Variants in CCDC93 observed in about 807,000 individuals in gnomAD.
CCDC93 encodes coiled-coil domain-containing protein 93.
A neutral mutation model predicts 108.2 loss-of-function variants in CCDC93; 61 were observed. The observed-to-expected ratio is 0.56, with a 90% CI of 0.46 to 0.70. The LOEUF is 0.70. CCDC93 is among the 30% of genes least tolerant of loss of function. The probability of loss-of-function intolerance (pLI) is 0.00; values close to 1 mark genes in which losing one functional copy is unlikely to be tolerated. For missense variants in CCDC93, 685 were observed against 764.2 expected, an observed-to-expected ratio of 0.90 and a Z score of 1.22; for synonymous variants, 276 against 260.4, an observed-to-expected ratio of 1.06 and a Z score of -0.58.
rs1361405333 is a variant in CCDC93 at position 117,919,311 on chromosome 2, T to A, written c.*1032A>T. On this transcript the variant is annotated 3_prime_UTR_variant, in exon 24 of 24. Coordinates refer to ENST00000376300, the MANE Select transcript of CCDC93 (RefSeq NM_019044.5). ...TGTACTCCTCTGCACTCTCTTGGGT[T>A]TTTAATCATAGTGTATTTTCATTTA... The A allele has an allele frequency of 6.6e-6, 1 of 152,146 alleles. No homozygotes were observed. The highest frequency in any genetic ancestry group is 1.5e-5 in the Non-Finnish European group (1 of 68,030). The allele number at this position is 152,146 out of a possible 1,614,324, so 9.4% of individuals were successfully genotyped here.
chr2:117,949,935 G>A (rs1472857616), intron 13 of CCDC93: 10 of 985,344 alleles, frequency 1.0e-5, no homozygotes, highest in Non-Finnish European at 1.2e-5. Context: ...GTGCAGTGTT[G>A]GGGATCTGCA....
intron 23 of CCDC93, among the ~76,000 whole-genome samples, chr2:117,926,334 G>T: frequency 6.6e-6 from 1 of 152,156 alleles, no homozygotes; most frequent in Non-Finnish European, 1.5e-5. Context: ...CCAGGAGCTG[G>T]TTTTTTGAAA....
At chr2:117,965,679 TTA>T (rs1249373488) in intron 11 of CCDC93, among the ~76,000 whole-genome samples, 1 of 152,156 alleles carries the variant, frequency 6.6e-6, no homozygotes, top group Non-Finnish European at 1.5e-5. Flanking sequence ...ATTCTGTAAT[TTA>T]TGTTTTCACA....
At chr2:117,984,592 T>G (rs1187254548) in intron 7 of CCDC93, among the ~76,000 whole-genome samples, 1 of 152,180 alleles carries the variant, frequency 6.6e-6, no homozygotes, top group Non-Finnish European at 1.5e-5. Context: ...AGGTGGGCAA[T>G]TTACTGAATT....
intron 13 of CCDC93, 65 bp from the exon 14 acceptor site, chr2:117,949,460 CT>C: frequency 8.7e-7 from 1 of 1,146,990 alleles, no homozygotes; most frequent in Non-Finnish European, 1.3e-6. Flanking sequence ...ACTTCACCTT[CT>C]TTTTGTGAGG....
At chr2:117,920,454 G>T (rs1208159604) in intron 23 of CCDC93, 58 bp from the exon 24 acceptor site, 1 of 1,229,006 alleles carries the variant, frequency 8.1e-7, no homozygotes, top group Admixed American at 1.8e-5. Flanking sequence ...CCCATGTGAG[G>T]CCAAGATGGT....
chr2:117,975,500 C>G (rs1258798365), intron 8 of CCDC93, among the ~76,000 whole-genome samples: 2 of 152,238 alleles, frequency 1.3e-5, no homozygotes, highest in African/African-American at 4.8e-5. Flanking sequence ...CATGTCCCAG[C>G]TGCTCACTGA....
intron 23 of CCDC93, among the ~76,000 whole-genome samples, chr2:117,924,728 T>G (rs924283013): frequency 6.6e-6 from 1 of 152,160 alleles, no homozygotes; most frequent in African/African-American, 2.4e-5. Flanking sequence ...CAGGAGAACT[T>G]CCTCAATCTA....
chr2:117,967,078 C>T (rs1279826545), intron 11 of CCDC93, among the ~76,000 whole-genome samples: 3 of 152,150 alleles, frequency 2.0e-5, no homozygotes, highest in East Asian at 1.9e-4. Context: ...CTGCAACCTC[C>T]GCCTCCCAGG....
intron 14 of CCDC93, among the ~76,000 whole-genome samples, 198 bp from the exon 15 acceptor site, chr2:117,948,384 C>T (rs573939553): frequency 6.6e-6 from 1 of 152,256 alleles, no homozygotes; most frequent in Admixed American, 6.5e-5. Flanking sequence ...AACCCAAGAC[C>T]ATCAATGCCG....
chr2:117,949,284 C>T, intron 14 of CCDC93, 38 bp downstream of exon 14: 2 of 1,431,280 alleles, frequency 1.4e-6, no homozygotes, highest in Non-Finnish European at 2.0e-6. Context: ...AAGTCACTTT[C>T]ATCAAAGCAA....
intron 2 of CCDC93, among the ~76,000 whole-genome samples, chr2:118,007,866 AC>A (rs957786761): frequency 6.6e-6 from 1 of 152,108 alleles, no homozygotes; most frequent in Non-Finnish European, 1.5e-5. Context: ...CAGGACTGTG[AC>A]CCCGTGGAGC....
chr2:118,004,095 G>GGGTC (rs1676793863), intron 3 of CCDC93, among the ~76,000 whole-genome samples: 1 of 152,134 alleles, frequency 6.6e-6, no homozygotes, highest in South Asian at 2.1e-4. Flanking sequence ...AATTAAACCT[G>GGGTC]GGTCTAAATT....
intron 6 of CCDC93, among the ~76,000 whole-genome samples, chr2:117,989,468 T>G (rs952686618): frequency 6.6e-6 from 1 of 152,216 alleles, no homozygotes; most frequent in African/African-American, 2.4e-5. Flanking sequence ...ACTGCCACCT[T>G]GCAGTCAGGT....
chr2:117,926,753 T>G (rs1212034410), intron 23 of CCDC93, among the ~76,000 whole-genome samples: 1 of 152,108 alleles, frequency 6.6e-6, no homozygotes, highest in East Asian at 1.9e-4. Flanking sequence ...TAGAGAATCC[T>G]CCCTAACTCA....
At chr2:117,965,259 A>G (rs1188546133) in intron 11 of CCDC93, among the ~76,000 whole-genome samples, 1 of 151,868 alleles carries the variant, frequency 6.6e-6, no homozygotes, top group Non-Finnish European at 1.5e-5. Context: ...CCCCAACTCC[A>G]CAAACCGATG....
rs531125858 is a variant in CCDC93 at position 117,972,358 on chromosome 2, T to C, written c.888+1550A>G. Among the ~76,000 whole-genome samples, 3 of 152,316 alleles carry C rather than the reference T, an allele frequency of 2.0e-5. No individual in the cohort carries two copies. The South Asian group carries it at 6.2e-4, about 32-fold the overall frequency. ...TCCATCAGAGTTGGATAGAGATCACTGGTCAAGAGTGAGGAAGAAAAAGCT... is the reference window on the plus strand; with the variant it reads ...TCCATCAGAGTTGGATAGAGATCACCGGTCAAGAGTGAGGAAGAAAAAGCT... On this transcript the variant is annotated intron_variant, in intron 11 of 23. Transcript: ENST00000376300.
intron 1 of CCDC93, chr2:118,008,887 G>A (rs1293295479): frequency 2.0e-6 from 1 of 502,150 alleles, no homozygotes; most frequent in Non-Finnish European, 3.6e-6. Context: ...CTTCATAGCT[G>A]AGGGAGACAC....
chr2:117,924,670 G>A (rs991618178), intron 23 of CCDC93, among the ~76,000 whole-genome samples: 1 of 152,222 alleles, frequency 6.6e-6, no homozygotes, highest in African/African-American at 2.4e-5. Context: ...ACCTGAAAGT[G>A]ATGGGGAGAA....
Sources: allele counts gnomAD v4.1 joint callset (sites outside exome capture counted in the v4.1 genomes callset), GRCh38; gene constraint gnomAD v4.1.1; transcripts MANE v1.5; gene names NCBI Gene and HGNC (gene_info 2026-07-23, HGNC 2026-07-21).